The following IL1RAPL2 variants were observed in gnomAD, a reference collection of about 807,000 sequenced individuals.
The protein encoded by IL1RAPL2 is X-linked interleukin-1 receptor accessory protein-like 2.
A neutral mutation model predicts 44.1 loss-of-function variants in IL1RAPL2; 3 were observed. The ratio of observed to expected loss-of-function variants is 0.07; its 90% CI spans 0.03 to 0.18. IL1RAPL2 has a LOEUF of 0.18. Among genes scored for constraint, IL1RAPL2 ranks in the 10% least tolerant of loss-of-function variants. The pLI is 1.00. For synonymous variants in IL1RAPL2, 181 were observed against 178.8 expected (o/e 1.01, Z -0.10); for missense variants, 391 against 496.4 (o/e 0.79, Z 2.02).
At chrX:105,344,850 A>G (rs1046043665) in intron 5 of IL1RAPL2, among the ~76,000 whole-genome samples, 9 of 112,174 alleles carry the variant, frequency 8.0e-5, no homozygotes, top group African/African-American at 2.3e-4. Flanking sequence ...AGACTTTTAA[A>G]GACAGTACCT....
At chrX:105,382,366 A>T (rs1349403596) in intron 5 of IL1RAPL2, among the ~76,000 whole-genome samples, 4 of 109,483 alleles carry the variant, frequency 3.7e-5, no homozygotes, top group South Asian at 7.5e-4. Context: ...GACACGTGAA[A>T]AAATGCTCAT....
intron 2 of IL1RAPL2, among the ~76,000 whole-genome samples, chrX:105,034,500 G>A (rs975395413): frequency 2.7e-5 from 3 of 112,445 alleles, no homozygotes; most frequent in African/African-American, 9.7e-5. Context: ...TCCAGACCCT[G>A]TTTGCCTGGG....
intron 2 of IL1RAPL2, among the ~76,000 whole-genome samples, chrX:105,038,612 C>T (rs902317408): frequency 2.0e-4 from 22 of 109,716 alleles, no homozygotes; most frequent in Non-Finnish European, 4.0e-4. Flanking sequence ...TTGCATGTCT[C>T]GGAGGTTTTG....
intron 2 of IL1RAPL2, among the ~76,000 whole-genome samples, chrX:105,013,051 TTGGGAACACTGTAG>T (rs1332565816): frequency 9.0e-6 from 1 of 111,164 alleles, no homozygotes; most frequent in Non-Finnish European, 1.9e-5. Flanking sequence ...GCACACTGGT[TTGGGAACACTGTAG>T]TGGAGTCTTG....
chrX:104,728,293 TA>T (rs1931836944), intron 2 of IL1RAPL2, among the ~76,000 whole-genome samples: 1 of 111,204 alleles, frequency 9.0e-6, no homozygotes, highest in Non-Finnish European at 1.9e-5. Flanking sequence ...ACTAAAAATA[TA>T]TGTGCTAGTA....
chrX:104,714,229 T>C (rs1323265533), intron 2 of IL1RAPL2, among the ~76,000 whole-genome samples: 1 of 111,330 alleles, frequency 9.0e-6, no homozygotes, highest in African/African-American at 3.3e-5. Flanking sequence ...CTTTTGCCCA[T>C]TCAGTATGAT....
chrX:105,315,603 G>GATATATATATATATATATATATA (rs2034833796), intron 5 of IL1RAPL2, among the ~76,000 whole-genome samples: 1 of 13,345 alleles, frequency 7.5e-5, no homozygotes, highest in African/African-American at 1.2e-4. Flanking sequence ...TATATATATG[G>GATATATATATATATATATATATA]TTTTATTAAG....
chrX:105,733,953 A>G (rs1163059885), intron 7 of IL1RAPL2, among the ~76,000 whole-genome samples: 1 of 111,437 alleles, frequency 9.0e-6, no homozygotes, highest in Non-Finnish European at 1.9e-5. Flanking sequence ...ACTGAAGTAA[A>G]TAGGCTTTTA....
chrX:104,895,308 A>C (rs777438599), intron 2 of IL1RAPL2, among the ~76,000 whole-genome samples: 2 of 112,118 alleles, frequency 1.8e-5, no homozygotes, highest in African/African-American at 3.2e-5. Flanking sequence ...ACTCACTTTA[A>C]AGCTGTCAGA....
chrX:105,722,647 C>G (rs908380727), intron 7 of IL1RAPL2, among the ~76,000 whole-genome samples: 3 of 112,044 alleles, frequency 2.7e-5, no homozygotes, highest in Non-Finnish European at 5.6e-5. Context: ...CTCTCAAAGG[C>G]ATTTCTAGAA....
At chrX:104,590,289 T>C (rs1928638898) in intron 1 of IL1RAPL2, among the ~76,000 whole-genome samples, 1 of 111,765 alleles carries the variant, frequency 8.9e-6, no homozygotes, top group Non-Finnish European at 1.9e-5. Flanking sequence ...AGGTGATCCA[T>C]GTGTCTCGAT....
intron 2 of IL1RAPL2, among the ~76,000 whole-genome samples, chrX:104,913,393 A>G (rs138831661): frequency 5.5e-4 from 61 of 111,660 alleles, no homozygotes; most frequent in African/African-American, 1.9e-3. Flanking sequence ...TTTCATCAAA[A>G]TTTCAAAATA....
chrX:105,005,968 G>A (rs758073054), intron 2 of IL1RAPL2, among the ~76,000 whole-genome samples: 5 of 110,535 alleles, frequency 4.5e-5, no homozygotes, highest in East Asian at 2.9e-4. Context: ...GGAATCTTAC[G>A]TTTTGTATAG....
intron 2 of IL1RAPL2, among the ~76,000 whole-genome samples, chrX:105,159,801 T>G (rs1158890257): frequency 8.9e-6 from 1 of 111,762 alleles, no homozygotes; most frequent in African/African-American, 3.3e-5. Context: ...TCTCTGACAT[T>G]TGGCTTAATC....
intron 1 of IL1RAPL2, among the ~76,000 whole-genome samples, chrX:104,630,154 T>TTA (rs1223922481): frequency 1.9e-5 from 2 of 105,552 alleles, no homozygotes; most frequent in Non-Finnish European, 3.9e-5. Flanking sequence ...TGGATAATTT[T>TTA]TTTTTTTTTT....
intron 6 of IL1RAPL2, among the ~76,000 whole-genome samples, chrX:105,663,432 C>T (rs768173829): frequency 1.8e-5 from 2 of 111,919 alleles, no homozygotes; most frequent in East Asian, 2.8e-4. Flanking sequence ...CAGTATCAAA[C>T]TATAACTGCA....
intron 2 of IL1RAPL2, among the ~76,000 whole-genome samples, chrX:105,079,421 A>G (rs1332820913): frequency 9.2e-6 from 1 of 108,370 alleles, no homozygotes; most frequent in African/African-American, 3.3e-5. Context: ...AACCAACCCA[A>G]ATGCCCATCA....
At chrX:105,184,582 TAA>T (rs1172025105) in intron 2 of IL1RAPL2, among the ~76,000 whole-genome samples, 1 of 109,928 alleles carries the variant, frequency 9.1e-6, no homozygotes, top group Non-Finnish European at 1.9e-5. Flanking sequence ...TATTGGAATA[TAA>T]GTTATTATAA....
intron 2 of IL1RAPL2, among the ~76,000 whole-genome samples, chrX:105,058,449 T>C (rs1264863233): frequency 8.9e-6 from 1 of 112,130 alleles, no homozygotes; most frequent in Non-Finnish European, 1.9e-5. Context: ...GTAGTCATCT[T>C]ACATTAGGTT....
Sources: gnomAD v4.1 joint callset for allele counts (sites outside exome capture counted in the v4.1 genomes callset) on GRCh38, gnomAD v4.1.1 for gene constraint, MANE v1.5 for transcripts, NCBI Gene and HGNC (gene_info 2026-07-23, HGNC 2026-07-21) for gene names.